The following CCDC68 variants were observed in gnomAD, a reference collection of about 807,000 sequenced individuals.
The protein encoded by CCDC68 is coiled-coil domain-containing protein 68.
Under a neutral mutation model 47.1 loss-of-function variants are expected in CCDC68, and 45 were observed. That is an observed-to-expected ratio of 0.96 (90% CI 0.75 to 1.23). The LOEUF is 1.23. CCDC68 is among the 50% of genes most tolerant of loss of function. The pLI, the probability that CCDC68 is intolerant of heterozygous loss-of-function variation, is 0.00. For missense variants in CCDC68, 353 were observed against 373.6 expected (o/e 0.94, Z 0.45); for synonymous variants, 131 against 129.5 (o/e 1.01, Z -0.08).
chr18:54,948,296 T>C (rs2044559196), intron 1 of CCDC68, among the ~76,000 whole-genome samples: 1 of 152,182 alleles, frequency 6.6e-6, no homozygotes, highest in Non-Finnish European at 1.5e-5. Flanking sequence ...GAACACCGAA[T>C]GCCCTGTGAA....
intron 1 of CCDC68, among the ~76,000 whole-genome samples, chr18:54,951,519 T>C (rs534942087): frequency 2.4e-4 from 36 of 152,292 alleles, no homozygotes; most frequent in African/African-American, 8.4e-4. Flanking sequence ...AGATAACTAG[T>C]TGGTGGCCAT....
intron 7 of CCDC68, among the ~76,000 whole-genome samples, chr18:54,933,336 C>G (rs540204922): frequency 2.0e-5 from 3 of 152,180 alleles, no homozygotes; most frequent in African/African-American, 7.2e-5. Context: ...CCACCTCGGC[C>G]TCCCAAAGTG....
intron 7 of CCDC68, among the ~76,000 whole-genome samples, chr18:54,929,831 G>C (rs761840828): frequency 2.0e-5 from 3 of 152,120 alleles, no homozygotes; most frequent in Non-Finnish European, 2.9e-5. Context: ...TTTTGGCCGA[G>C]GTTTTAAACT....
chr18:54,937,783 A>T (rs896519338), intron 5 of CCDC68, 174 bp downstream of exon 5: 1 of 481,204 alleles, frequency 2.1e-6, no homozygotes, highest in Non-Finnish European at 3.7e-6. Flanking sequence ...AAAATAAAAC[A>T]GTGAGATATG....
intron 7 of CCDC68, 125 bp from the exon 8 acceptor site, chr18:54,929,007 A>G (rs1405995717): frequency 3.1e-6 from 2 of 636,716 alleles, no homozygotes; most frequent in African/African-American, 3.7e-5. Context: ...GTTACTCCTC[A>G]TCTTCAAGGA....
At chr18:54,931,343 A>G (rs578183302) in intron 7 of CCDC68, among the ~76,000 whole-genome samples, 5 of 152,294 alleles carry the variant, frequency 3.3e-5, no homozygotes, top group Middle Eastern at 3.4e-3. Context: ...AGCACCACAC[A>G]GTGGGCAACC....
At chr18:54,923,612 C>G (rs2044098156) in intron 8 of CCDC68, among the ~76,000 whole-genome samples, 1 of 152,018 alleles carries the variant, frequency 6.6e-6, no homozygotes, top group African/African-American at 2.4e-5. Context: ...AATATGAAGC[C>G]TAGTCATCCA....
chr18:54,944,203 A>G (rs2044484532), intron 2 of CCDC68, among the ~76,000 whole-genome samples: 1 of 152,146 alleles, frequency 6.6e-6, no homozygotes, highest in South Asian at 2.1e-4. Flanking sequence ...TGAATATCAT[A>G]TCCTACCAAA....
intron 1 of CCDC68, among the ~76,000 whole-genome samples, chr18:54,957,370 TTA>T (rs1422226850): frequency 1.3e-5 from 2 of 152,180 alleles, no homozygotes; most frequent in Non-Finnish European, 2.9e-5. Flanking sequence ...AATGGATCAT[TTA>T]TGTGGTCTGT....
At chr18:54,936,258 TA>T (rs1199015871) in intron 6 of CCDC68, among the ~76,000 whole-genome samples, 1 of 144,912 alleles carries the variant, frequency 6.9e-6, no homozygotes, top group Admixed American at 6.9e-5. Flanking sequence ...TATATATATT[TA>T]AAAATATATA....
At chr18:54,952,344 A>G (rs1467308477) in intron 1 of CCDC68, among the ~76,000 whole-genome samples, 1 of 152,252 alleles carries the variant, frequency 6.6e-6, no homozygotes, top group African/African-American at 2.4e-5. Context: ...TGAAGAGCCC[A>G]GGAATTTATA....
chr18:54,927,860 G>A (rs2044171047), intron 8 of CCDC68, among the ~76,000 whole-genome samples: 1 of 152,146 alleles, frequency 6.6e-6, no homozygotes, highest in Non-Finnish European at 1.5e-5. Context: ...CAGGCAGAAG[G>A]TACAACATAT....
intron 9 of CCDC68, among the ~76,000 whole-genome samples, chr18:54,918,741 A>G (rs1234385740): frequency 6.6e-6 from 1 of 152,210 alleles, no homozygotes; most frequent in East Asian, 1.9e-4. Context: ...AAATTTTAAA[A>G]CAGAACCCCA....
At chr18:54,951,333 A>G (rs2044617188) in intron 1 of CCDC68, among the ~76,000 whole-genome samples, 1 of 152,226 alleles carries the variant, frequency 6.6e-6, no homozygotes, top group African/African-American at 2.4e-5. Flanking sequence ...GGTACAAAGC[A>G]CATGCATCCC....
intron 7 of CCDC68, among the ~76,000 whole-genome samples, chr18:54,930,673 TC>T (rs1318041155): frequency 1.2e-3 from 9 of 7,354 alleles, no homozygotes; most frequent in East Asian, 6.6e-3. Context: ...CTTCCTTCCT[TC>T]CCTCCCTCCC....
intron 7 of CCDC68, among the ~76,000 whole-genome samples, chr18:54,929,513 A>G (rs1411947606): frequency 6.6e-6 from 1 of 152,208 alleles, no homozygotes; most frequent in Non-Finnish European, 1.5e-5. Context: ...AGACAAGACC[A>G]TGAAAAACGA....
rs572687020 is a variant in CCDC68, at chr18:54,953,912, ATACACTGT to A, written c.-103+5416_-103+5423del. ...ATTCTTCATATTTGTCCATCTGCAC[ATACACTGT>A]TGGATCGATGATGAAAATATCTACT... On this transcript the variant is annotated intron_variant, in intron 1 of 11. Transcript: ENST00000591504. Among the ~76,000 whole-genome samples, 123 of 151,848 alleles carry A rather than the reference ATACACTGT, an allele frequency of 8.1e-4. 3 individuals are homozygous for A. Among genetic ancestry groups the A allele is most frequent in the African/African-American group, 2.7e-3 (112 of 41,402 alleles).
chr18:54,928,815 G>C lies in CCDC68; in HGVS notation c.668C>G (p.Ala223Gly). 3 of 1,610,244 alleles carry C rather than the reference G, an allele frequency of 1.9e-6. No individual in the cohort carries two copies. The East Asian group carries it at 6.7e-5, about 36-fold the overall frequency. ...CTTCACAAACCTTTTTCCATATGTA[G>C]CACTGGATTTGAGTTGCAGTAGCTT... is the stretch of plus-strand genomic sequence containing the variant. ...ENKLLQLKSS[A>G]TYGKSCQDLQ... The change falls in exon 8 of 12, where the codon GCT (alanine) becomes GGT (glycine). Residue 223 changes from alanine (A) to glycine (G), a missense_variant. Transcript: ENST00000591504.
At chr18:54,921,918 C>G (rs2044067491) in intron 8 of CCDC68, among the ~76,000 whole-genome samples, 1 of 152,146 alleles carries the variant, frequency 6.6e-6, no homozygotes, top group Non-Finnish European at 1.5e-5. Flanking sequence ...TCACTTTGAT[C>G]TTTTTCTCTT....
Sources: allele counts gnomAD v4.1 joint callset (sites outside exome capture counted in the v4.1 genomes callset), GRCh38; gene constraint gnomAD v4.1.1; transcripts MANE v1.5; gene names NCBI Gene and HGNC (gene_info 2026-07-23, HGNC 2026-07-21).